RPS27L: variants seen among roughly 807,000 people sequenced by gnomAD.
RPS27L encodes ribosomal protein eS27-like.
Under a neutral mutation model 12.8 loss-of-function variants are expected in RPS27L, and 10 were observed. That is an observed-to-expected ratio of 0.78 (90% CI 0.48 to 1.33). The LOEUF is 1.33. Among genes scored for constraint, RPS27L ranks in the 40% most tolerant of loss-of-function variants. The probability of loss-of-function intolerance (pLI) is 0.00; values close to 1 mark genes in which losing one functional copy is unlikely to be tolerated. For synonymous variants in RPS27L, 26 were observed against 32.3 expected, an observed-to-expected ratio of 0.81 and a Z score of 0.66; for missense variants, 81 against 97.4, an observed-to-expected ratio of 0.83 and a Z score of 0.71.
chr15:63,154,302 T>C, intron 3 of RPS27L: 1 of 439,498 alleles, frequency 2.3e-6, no homozygotes, highest in East Asian at 3.7e-5. Context: ...GAAGTCTACT[T>C]AAGACCATGA....
At chr15:63,157,004 G>A in intron 1 of RPS27L, 2 of 357,036 alleles carry the variant, frequency 5.6e-6, no homozygotes, top group Non-Finnish European at 1.0e-5. Context: ...AGGCAACAAC[G>A]AGGACAGTTT....
intron 3 of RPS27L, 62 bp from the exon 4 acceptor site, chr15:63,154,122 G>A (rs553508665): frequency 7.4e-6 from 10 of 1,355,628 alleles, no homozygotes; most frequent in Middle Eastern, 1.9e-4. Context: ...TAATTTTAAT[G>A]ACAAAAAGTA....
Position 63,150,619 on chromosome 15 carries a change from A to C in RPS27L, c.*3413T>G, listed in dbSNP as rs2037294242. ...TTGTCATCTCATCAGGCCAGAAGCCAAGAATTTCATTTTATTTTTAGCTTA... is the reference window on the plus strand; with the variant it reads ...TTGTCATCTCATCAGGCCAGAAGCCCAGAATTTCATTTTATTTTTAGCTTA... On this transcript the variant is annotated 3_prime_UTR_variant, in exon 4 of 4. Transcript: ENST00000330964. The C allele has an allele frequency of 6.6e-6, 1 of 152,142 alleles. No homozygotes were observed. Among genetic ancestry groups the C allele is most frequent in the African/African-American group, 2.4e-5 (1 of 41,454 alleles). The allele number at this position is 152,142 out of a possible 1,614,324, so 9.4% of individuals were successfully genotyped here. A position where few individuals can be genotyped will look rare whatever the true frequency, so the allele number is the denominator to read the frequency against.
chr15:63,155,900 G>A (rs1037806885), intron 2 of RPS27L, among the ~76,000 whole-genome samples, 169 bp from the exon 3 acceptor site: 4 of 152,092 alleles, frequency 2.6e-5, no homozygotes, highest in African/African-American at 9.7e-5. Context: ...TTAAAAACAG[G>A]TAAAATCAAT....
Position 63,157,451 on chromosome 15 carries a change from A to G in RPS27L, c.-46T>C, listed in dbSNP as rs1198167648. ...AGCCCTACCAGACCTCCCAGCCCACACAGCTAGCAAGCTGCAAGCGATCTG... is the reference window on the plus strand; with the variant it reads ...AGCCCTACCAGACCTCCCAGCCCACGCAGCTAGCAAGCTGCAAGCGATCTG... On this transcript the variant is annotated 5_prime_UTR_variant, in exon 1 of 4. Transcript: ENST00000330964. 3 of 1,611,666 alleles carry G rather than the reference A, an allele frequency of 1.9e-6. No homozygotes were observed. The highest frequency in any genetic ancestry group is 1.1e-5 in the South Asian group (1 of 91,044).
chr15:63,152,259 A>G lies in RPS27L; in HGVS notation c.*1773T>C, dbSNP rs1194520012. The stretch of plus-strand genomic sequence containing the variant: ...CTCCAACCTGGGCAATAGAGCCAAG[A>G]CACTGTCTCTATTTTTAAAAAAATC... On this transcript the variant is annotated 3_prime_UTR_variant, in exon 4 of 4. Transcript: ENST00000330964. The G allele has an allele frequency of 6.6e-6, 1 of 152,208 alleles. No homozygotes were observed. The highest frequency in any genetic ancestry group is 1.5e-5 in the Non-Finnish European group (1 of 68,038). The allele number at this position is 152,208 out of a possible 1,614,324, so 9.4% of individuals were successfully genotyped here.
Position 63,148,649 on chromosome 15 carries a change from A to G in RPS27L, c.*5383T>C, listed in dbSNP as rs1443384741. Reference sequence around the variant, plus strand: ...AAAGCTTATTAACTAAATTAGGACTATTCTGCCTAAATTCTTTGAAAGGTG... The same window carrying G: ...AAAGCTTATTAACTAAATTAGGACTGTTCTGCCTAAATTCTTTGAAAGGTG... On this transcript the variant is annotated 3_prime_UTR_variant, in exon 4 of 4. Transcript: ENST00000330964. 6.6e-6 allele frequency: 1 copy of G among 152,160 alleles called. No homozygotes were observed. The highest frequency in any genetic ancestry group is 1.9e-4 in the East Asian group (1 of 5,194). 9.4% of individuals were successfully genotyped at this position (152,160 alleles called of 1,614,324 possible).
intron 3 of RPS27L, chr15:63,155,399 GAATA>G (rs1486744755): frequency 2.5e-6 from 1 of 403,540 alleles, no homozygotes; most frequent in Non-Finnish European, 4.4e-6. Flanking sequence ...CAAACTAAGT[GAATA>G]AATGTGTTCT....
chr15:63,154,024 T>G lies in RPS27L; in HGVS notation c.*8A>C. 1 of 1,602,944 alleles carries G rather than the reference T, an allele frequency of 6.2e-7. No individual in the cohort carries two copies. Among genetic ancestry groups the G allele is most frequent in the South Asian group, 1.1e-5 (1 of 90,422 alleles). On this transcript the variant is annotated 3_prime_UTR_variant, in exon 4 of 4. Transcript: ENST00000330964. Reference sequence around the variant, plus strand: ...ACAAAATTAAAATTCAGGAAGCTGTTTGAATCATTAGTGTTGCTTTCTTCT... The same window carrying G: ...ACAAAATTAAAATTCAGGAAGCTGTGTGAATCATTAGTGTTGCTTTCTTCT...
In RPS27L at chr15:63,157,393, A is replaced by T. The variant is rs2141087463; in HGVS notation, c.6+7T>A. On this transcript the variant is annotated splice_region_variant and intron_variant, in intron 1 of 3. Transcript: ENST00000330964. ...AACAAACCCGGAGCCCGATGTAAAC[A>T]ACTCACAGGCATGTTGATCCTCTTG... is the stretch of plus-strand genomic sequence containing the variant. 6.2e-7 allele frequency: 1 copy of T among 1,613,948 alleles called. No homozygotes were observed. The highest frequency in any genetic ancestry group is 2.2e-5 in the East Asian group (1 of 44,840).
In RPS27L at chr15:63,155,644, C is replaced by T. The variant is rs1035428683; in HGVS notation, c.203G>A (p.Gly68Glu). ...GCSTVLCQPT[G>E]GKARLTEGCS... ...ACCTTCTGTGAGTCTGGCCTTTCCT[C>T]CTGTAGGCTGGCACAACACTGTTGA... Residue 68 changes from glycine (G) to glutamate (E), a missense_variant, in exon 3 of 4, where the codon GGA (glycine) becomes GAA (glutamate). Physicochemically the swap from Gly to Glu is moderately conservative, Grantham distance 98. Transcript: ENST00000330964. The T allele has an allele frequency of 2.5e-6, 4 of 1,593,946 alleles. No homozygotes were observed. The highest frequency in any genetic ancestry group is 3.4e-6 in the Non-Finnish European group (4 of 1,169,694).
In RPS27L at chr15:63,152,703, C is replaced by G. The variant is rs1477436411; in HGVS notation, c.*1329G>C. The stretch of plus-strand genomic sequence containing the variant: ...AGAGACGGGGTTTTTCCATGTTGGT[C>G]AGGCTGGTCTTGAACTCCCGACCTC... On this transcript the variant is annotated 3_prime_UTR_variant, in exon 4 of 4. Coordinates refer to ENST00000330964, the MANE Select transcript of RPS27L (RefSeq NM_015920.4). 1 of 152,040 alleles carries G rather than the reference C, an allele frequency of 6.6e-6. No individual in the cohort carries two copies. Among genetic ancestry groups the G allele is most frequent in the African/African-American group, 2.4e-5 (1 of 41,362 alleles). 9.4% of individuals were successfully genotyped at this position (152,040 alleles called of 1,614,324 possible).
At chr15:63,154,130 G>T in intron 3 of RPS27L, 70 bp from the exon 4 acceptor site, 1 of 1,234,958 alleles carries the variant, frequency 8.1e-7, no homozygotes, top group Non-Finnish European at 1.2e-6. Flanking sequence ...ATGACAAAAA[G>T]TACTTTTAAG....
rs1256901071 is a variant in RPS27L, at chr15:63,149,730, C to T, written c.*4302G>A. The T allele has an allele frequency of 1.3e-5, 2 of 152,088 alleles. No individual in the cohort carries two copies. Among genetic ancestry groups the T allele is most frequent in the African/African-American group, 2.4e-5 (1 of 41,398 alleles). 9.4% of individuals were successfully genotyped at this position (152,088 alleles called of 1,614,324 possible). On this transcript the variant is annotated 3_prime_UTR_variant, in exon 4 of 4. Coordinates refer to ENST00000330964, the MANE Select transcript of RPS27L (RefSeq NM_015920.4). The stretch of plus-strand genomic sequence containing the variant: ...CCCACACCCTAATCCCCAGAACCTA[C>T]GAATATGTTACCTTACATAGCAAAA...
At position 63,155,405 on chromosome 15, in the gene RPS27L, A is replaced by G. The variant is rs140563932; in HGVS notation, c.226+216T>C. On this transcript the variant is annotated intron_variant, in intron 3 of 3. Transcript: ENST00000330964. ...CAAGTTAAGCAAACTAAGTGAATAA[A>G]TGTGTTCTAAACTAAGAAAAATAAG... The G allele has an allele frequency of 9.7e-4, 393 of 405,150 alleles. 2 individuals carry two copies. The highest frequency in any genetic ancestry group is 7.5e-3 in the African/African-American group (364 of 48,822). 25.1% of individuals were successfully genotyped at this position (405,150 alleles called of 1,614,324 possible). A position where few individuals can be genotyped will look rare whatever the true frequency, so the allele number is the denominator to read the frequency against.
In RPS27L at chr15:63,150,555, T is replaced by C. The variant is rs1426680461; in HGVS notation, c.*3477A>G. The C allele has an allele frequency of 1.3e-5, 2 of 152,256 alleles. No homozygotes were observed. Among genetic ancestry groups the C allele is most frequent in the African/African-American group, 4.8e-5 (2 of 41,474 alleles). The allele number at this position is 152,256 out of a possible 1,614,324, so 9.4% of individuals were successfully genotyped here. A position where few individuals can be genotyped will look rare whatever the true frequency, so the allele number is the denominator to read the frequency against. On this transcript the variant is annotated 3_prime_UTR_variant, in exon 4 of 4. Coordinates refer to ENST00000330964, the MANE Select transcript of RPS27L (RefSeq NM_015920.4). ...ATAAAACAGAAAGGAATTAGAGCTTTATCAGATGACTTACAGGAACGACCA... is the reference window on the plus strand; with the variant it reads ...ATAAAACAGAAAGGAATTAGAGCTTCATCAGATGACTTACAGGAACGACCA...
Position 63,154,074 on chromosome 15 carries a change from A to G in RPS27L, c.227-14T>C. On this transcript the variant is annotated splice_polypyrimidine_tract_variant and intron_variant, in intron 3 of 3. Coordinates refer to ENST00000330964, the MANE Select transcript of RPS27L (RefSeq NM_015920.4). ...TAAATGAACACCCTGCAAAAGAATC[A>G]TGAGAGTATATTAAACAAGTGCATT... 6.2e-7 allele frequency: 1 copy of G among 1,600,344 alleles called. No individual in the cohort carries two copies. Among genetic ancestry groups the G allele is most frequent in the Non-Finnish European group, 8.6e-7 (1 of 1,168,698 alleles).
rs1199976541 is a variant in RPS27L at position 63,149,600 on chromosome 15, AAG to A, written c.*4430_*4431del. On this transcript the variant is annotated 3_prime_UTR_variant, in exon 4 of 4. Coordinates refer to ENST00000330964, the MANE Select transcript of RPS27L (RefSeq NM_015920.4). ...AAAAAAAAAAGAAAGAAAAAGAAAA[AAG>A]AGAATTACAAAGACATAATTTAAGA... is the stretch of plus-strand genomic sequence containing the variant. 1 of 62,844 alleles carries A rather than the reference AAG, an allele frequency of 1.6e-5. No homozygotes were observed. Among genetic ancestry groups the A allele is most frequent in the Non-Finnish European group, 5.8e-5 (1 of 17,280 alleles). 3.9% of individuals were successfully genotyped at this position (62,844 alleles called of 1,614,324 possible).
In RPS27L at chr15:63,154,079, A is replaced by C. The variant is rs770582256; in HGVS notation, c.227-19T>G. ...GAACACCCTGCAAAAGAATCATGAG[A>C]GTATATTAAACAAGTGCATTCTACC... On this transcript the variant is annotated intron_variant, in intron 3 of 3. Coordinates refer to ENST00000330964, the MANE Select transcript of RPS27L (RefSeq NM_015920.4). 13 of 1,597,652 alleles carry C rather than the reference A, an allele frequency of 8.1e-6. No homozygotes were observed. Among genetic ancestry groups the C allele is most frequent in the Non-Finnish European group, 1.0e-5 (12 of 1,166,758 alleles).
Sources: allele counts gnomAD v4.1 joint callset (sites outside exome capture counted in the v4.1 genomes callset), GRCh38; gene constraint gnomAD v4.1.1; transcripts MANE v1.5; gene names NCBI Gene and HGNC (gene_info 2026-07-23, HGNC 2026-07-21).